The following SHMT1 variants were observed in gnomAD, a reference collection of about 807,000 sequenced individuals.
SHMT1 encodes the protein serine hydroxymethyltransferase 1.
SHMT1 carries 45 observed loss-of-function variants against 49.0 expected under a neutral mutation model. The ratio of observed to expected loss-of-function variants is 0.92; its 90% CI spans 0.72 to 1.18. SHMT1 has a LOEUF of 1.18. Ranked by LOEUF, SHMT1 falls within the 50% of genes most tolerant of loss-of-function variation. The pLI, the probability that SHMT1 is intolerant of heterozygous loss-of-function variation, is 0.00. For synonymous variants in SHMT1, 232 were observed against 246.6 expected (o/e 0.94, Z 0.55); for missense variants, 541 against 612.4 (o/e 0.88, Z 1.23).
chr17:18,355,426 G>A (rs1015190422), intron 2 of SHMT1, among the ~76,000 whole-genome samples: 1 of 149,308 alleles, frequency 6.7e-6, no homozygotes, highest in South Asian at 2.1e-4. Flanking sequence ...TGCAATCCCA[G>A]CTAGTCAGGA....
chr17:18,353,693 G>C lies in SHMT1; in HGVS notation c.221C>G (p.Ser74Cys). 6.2e-7 allele frequency: 1 copy of C among 1,614,116 alleles called. No individual in the cohort carries two copies. The highest frequency in any genetic ancestry group is 8.5e-7 in the Non-Finnish European group (1 of 1,180,026). The change falls in exon 3 of 12, where the codon TCT becomes TGT. Residue 74 changes from serine (S) to cysteine (C), a missense_variant. Physicochemically the swap from Ser to Cys is moderately radical, Grantham distance 112. Transcript: ENST00000316694. ...ALGSCLNNKY[S>C]EGYPGQRYYG... ...ATACCTCTGGCCCGGGTACCCCTCA[G>C]AGTATTTGTTATTTAAGCAAGAGCC...
chr17:18,329,706 C>T (rs935433542), intron 10 of SHMT1, among the ~76,000 whole-genome samples: 1 of 152,174 alleles, frequency 6.6e-6, no homozygotes, highest in Non-Finnish European at 1.5e-5. Context: ...AATGCAGCCT[C>T]TGGATTCCGG....
Position 18,340,587 on chromosome 17 carries a change from C to CT in SHMT1, c.601+144dup. The CT allele has an allele frequency of 1.3e-6, 1 of 753,480 alleles. No homozygotes were observed. Among genetic ancestry groups the CT allele is most frequent in the Non-Finnish European group, 2.3e-6 (1 of 427,412 alleles). The allele number at this position is 753,480 out of a possible 1,614,324, so 46.7% of individuals were successfully genotyped here. ...ACACACATCTGTATCCTGAAAGAAACTAATATATGTAGACCCCAGAAACTC... is the reference window on the plus strand; with the variant it reads ...ACACACATCTGTATCCTGAAAGAAACTTAATATATGTAGACCCCAGAAACTC... On this transcript the variant is annotated intron_variant, in intron 6 of 11. Transcript: ENST00000316694. The surrounding 1 kb of genome is among the most constrained non-coding windows in gnomAD (Gnocchi z 4.5).
intron 9 of SHMT1, chr17:18,330,906 C>A: frequency 1.8e-6 from 1 of 545,580 alleles, no homozygotes; most frequent in Non-Finnish European, 3.4e-6. Flanking sequence ...GAGGGCCTGA[C>A]ACTCCCATGG....
At chr17:18,357,926 C>T (rs1189532625) in intron 1 of SHMT1, among the ~76,000 whole-genome samples, 6 of 146,472 alleles carry the variant, frequency 4.1e-5, no homozygotes, top group Admixed American at 1.4e-4. Flanking sequence ...TACAGTGGCG[C>T]GATCTCGGCT....
Position 18,340,846 on chromosome 17 carries a change from C to T in SHMT1, c.520-33G>A. ...ATGTCAGGGAGGCAGGTTCAGGCTG[C>T]TTCCTCCAACCACACCTGCCTCCTG... On this transcript the variant is annotated intron_variant, in intron 5 of 11. Transcript: ENST00000316694. This position sits in a 1 kb window ranked among gnomAD's most constrained non-coding sequence, Gnocchi z 4.5. 1 of 1,534,234 alleles carries T rather than the reference C, an allele frequency of 6.5e-7. No individual in the cohort carries two copies. Among genetic ancestry groups the T allele is most frequent in the Non-Finnish European group, 9.0e-7 (1 of 1,115,176 alleles).
intron 1 of SHMT1, among the ~76,000 whole-genome samples, chr17:18,362,293 ATTTCT>A (rs1202730500): frequency 5.9e-5 from 9 of 151,900 alleles, no homozygotes; most frequent in Non-Finnish European, 8.8e-5. Flanking sequence ...AATTTACGTT[ATTTCT>A]TTTCTTTTTT....
chr17:18,340,916 A>C lies in SHMT1; in HGVS notation c.520-103T>G, dbSNP rs1192470445. ...TCCACCCACCATGACAAGAGGAATGATGTCCTAGATGAGGACTTGAGGGTG... is the reference window on the plus strand; with the variant it reads ...TCCACCCACCATGACAAGAGGAATGCTGTCCTAGATGAGGACTTGAGGGTG... On this transcript the variant is annotated intron_variant, in intron 5 of 11. Coordinates refer to ENST00000316694, the MANE Select transcript of SHMT1 (RefSeq NM_004169.5). This position sits in a 1 kb window ranked among gnomAD's most constrained non-coding sequence, Gnocchi z 4.5. 1 of 816,166 alleles carries C rather than the reference A, an allele frequency of 1.2e-6. No homozygotes were observed. Among genetic ancestry groups the C allele is most frequent in the East Asian group, 2.7e-5 (1 of 37,636 alleles). The allele number at this position is 816,166 out of a possible 1,614,324, so 50.6% of individuals were successfully genotyped here.
rs752258640 is a variant in SHMT1 at position 18,353,650 on chromosome 17, G to A, written c.242+22C>T. ...CTCCCTATGACTGTGTCAGAACCAG[G>A]CCTTTGAAGATATTCACATACCTCT... On this transcript the variant is annotated intron_variant, in intron 3 of 11. Transcript: ENST00000316694. 8 of 1,613,266 alleles carry A rather than the reference G, an allele frequency of 5.0e-6. No homozygotes were observed. In the South Asian group the frequency reaches 8.8e-5, roughly 18 times the overall value.
intron 3 of SHMT1, among the ~76,000 whole-genome samples, chr17:18,349,901 T>C (rs1035267476): frequency 6.6e-6 from 1 of 151,946 alleles, no homozygotes; most frequent in African/African-American, 2.4e-5. Flanking sequence ...ACGCCTGTAT[T>C]CCCAGCTATT....
At chr17:18,332,184 G>A (rs147979559) in intron 9 of SHMT1, 3 of 152,406 alleles carry the variant, frequency 2.0e-5, no homozygotes, top group African/African-American at 7.2e-5. Flanking sequence ...CAGTCTGCAC[G>A]AGGACTTCTT....
Position 18,347,623 on chromosome 17 carries a change from A to T in SHMT1, c.392T>A (p.Leu131Gln), listed in dbSNP as rs1228647953. Residue 131 changes from leucine (L) to glutamine (Q), a missense_variant, in exon 5 of 12, where the codon CTG becomes CAG. Transcript: ENST00000316694. ...SPANFAVYTA[L>Q]VEPHGRIMGL... ...CATGATGCGCCCATGGGGTTCCACC[A>T]GGGCAGTGTACACAGCAAAGTTTGC... 1 of 1,614,194 alleles carries T rather than the reference A, an allele frequency of 6.2e-7. No individual in the cohort carries two copies. Among genetic ancestry groups the T allele is most frequent in the Non-Finnish European group, 8.5e-7 (1 of 1,180,026 alleles).
At chr17:18,332,570 A>C (rs534160297) in intron 9 of SHMT1, 2 of 179,882 alleles carry the variant, frequency 1.1e-5, no homozygotes, top group Non-Finnish European at 2.4e-5. Flanking sequence ...CTGCCTGCCA[A>C]AAAAATGCGT....
chr17:18,354,767 T>C (rs1011913249), intron 2 of SHMT1, among the ~76,000 whole-genome samples: 31 of 151,094 alleles, frequency 2.1e-4, no homozygotes, highest in Admixed American at 6.6e-4. Context: ...AGGCCGGGCG[T>C]GGTGGCTCAC....
intron 1 of SHMT1, among the ~76,000 whole-genome samples, chr17:18,358,376 G>T (rs1458575401): frequency 2.0e-5 from 3 of 151,906 alleles, no homozygotes; most frequent in African/African-American, 7.2e-5. Context: ...TGTAATCCCA[G>T]CTACTCGGGA....
At chr17:18,348,561 G>C (rs908114844) in intron 3 of SHMT1, 121 bp from the exon 4 acceptor site, 1 of 783,036 alleles carries the variant, frequency 1.3e-6, no homozygotes, top group African/African-American at 1.7e-5. Flanking sequence ...AATGAGAAGA[G>C]CTTGTTAACA....
At chr17:18,360,808 G>C (rs1270726042) in intron 1 of SHMT1, among the ~76,000 whole-genome samples, 1 of 152,006 alleles carries the variant, frequency 6.6e-6, no homozygotes, top group Non-Finnish European at 1.5e-5. Context: ...TGAAGTCTGG[G>C]GAGTCACAGG....
At chr17:18,333,680 G>C (rs968455816) in intron 8 of SHMT1, among the ~76,000 whole-genome samples, 81 of 152,152 alleles carry the variant, frequency 5.3e-4, no homozygotes, top group African/African-American at 1.9e-3. Context: ...ATATTGGCCA[G>C]GCTGGTCTTG....
rs1984388117 is a variant in SHMT1 at position 18,340,598 on chromosome 17, A to G, written c.601+134T>C. On this transcript the variant is annotated intron_variant, in intron 6 of 11. Coordinates refer to ENST00000316694, the MANE Select transcript of SHMT1 (RefSeq NM_004169.5). This position sits in a 1 kb window ranked among gnomAD's most constrained non-coding sequence, Gnocchi z 4.5. ...TATCCTGAAAGAAACTAATATATGT[A>G]GACCCCAGAAACTCAGTTATCCAGG... is the stretch of plus-strand genomic sequence containing the variant. 1.3e-6 allele frequency: 1 copy of G among 783,472 alleles called. No individual in the cohort carries two copies. Among genetic ancestry groups the G allele is most frequent in the Non-Finnish European group, 2.2e-6 (1 of 451,914 alleles). 48.5% of individuals were successfully genotyped at this position (783,472 alleles called of 1,614,324 possible).
Sources: allele counts gnomAD v4.1 joint callset (sites outside exome capture counted in the v4.1 genomes callset), GRCh38; gene constraint gnomAD v4.1.1; non-coding constraint Gnocchi (gnomAD v3.1); transcripts MANE v1.5; gene names NCBI Gene and HGNC (gene_info 2026-07-23, HGNC 2026-07-21).